Variants in ADAMTS3 observed in about 807,000 individuals in gnomAD.
ADAMTS3 encodes the protein ADAM metallopeptidase with thrombospondin type 1 motif 3.
Under a neutral mutation model 129.0 loss-of-function variants are expected in ADAMTS3, and 73 were observed. The observed-to-expected ratio is 0.57, with a 90% confidence interval of 0.47 to 0.69. The LOEUF is 0.69. Among genes scored for constraint, ADAMTS3 ranks in the 30% least tolerant of loss-of-function variants. The pLI is 0.00. For missense variants in ADAMTS3, 1,457 were observed against 1,514.5 expected (o/e 0.96, Z 0.63); for synonymous variants, 477 against 510.8 (o/e 0.93, Z 0.89).
At chr4:72,386,504 C>T (rs1379985407) in intron 4 of ADAMTS3, among the ~76,000 whole-genome samples, 1 of 151,830 alleles carries the variant, frequency 6.6e-6, no homozygotes, top group Non-Finnish European at 1.5e-5. Flanking sequence ...ACCATCAGTG[C>T]AATAAGGGAG....
chr4:72,552,134 C>T (rs1721660736), intron 2 of ADAMTS3, among the ~76,000 whole-genome samples: 1 of 152,222 alleles, frequency 6.6e-6, no homozygotes, highest in South Asian at 2.1e-4. Flanking sequence ...TCACATTTTA[C>T]AGGCCCAACT....
chr4:72,385,354 G>A (rs2109884810), intron 4 of ADAMTS3, among the ~76,000 whole-genome samples: 1 of 152,012 alleles, frequency 6.6e-6, no homozygotes, highest in African/African-American at 2.4e-5. Flanking sequence ...CTAAAAAGCT[G>A]GTAGAGAAGC....
At chr4:72,443,345 C>A (rs968470710) in intron 3 of ADAMTS3, among the ~76,000 whole-genome samples, 1 of 151,684 alleles carries the variant, frequency 6.6e-6, no homozygotes, top group Non-Finnish European at 1.5e-5. Flanking sequence ...GAGCCTACCA[C>A]CTGTTAAGCA....
chr4:72,424,471 C>T (rs1436647571), intron 3 of ADAMTS3, among the ~76,000 whole-genome samples: 3 of 152,024 alleles, frequency 2.0e-5, no homozygotes, highest in Non-Finnish European at 4.4e-5. Flanking sequence ...CTAATTTTCC[C>T]TAATCTCCAT....
chr4:72,377,516 T>C (rs1212321552), intron 4 of ADAMTS3, among the ~76,000 whole-genome samples: 2 of 152,208 alleles, frequency 1.3e-5, no homozygotes, highest in Non-Finnish European at 2.9e-5. Context: ...AAGGCCTATC[T>C]AGACGGCTAA....
chr4:72,415,219 A>G (rs1370140509), intron 3 of ADAMTS3, among the ~76,000 whole-genome samples: 1 of 152,100 alleles, frequency 6.6e-6, no homozygotes, highest in Non-Finnish European at 1.5e-5. Context: ...TACATAGGAT[A>G]AGAATAGGGA....
chr4:72,294,671 G>T (rs1455236666), intron 19 of ADAMTS3, among the ~76,000 whole-genome samples: 2 of 151,990 alleles, frequency 1.3e-5, no homozygotes, highest in African/African-American at 2.4e-5. Flanking sequence ...CAGGACACTA[G>T]GAACAAAATG....
chr4:72,541,156 G>A (rs1721313784), intron 3 of ADAMTS3, among the ~76,000 whole-genome samples: 1 of 152,168 alleles, frequency 6.6e-6, no homozygotes, highest in Non-Finnish European at 1.5e-5. Flanking sequence ...CAAGACCATG[G>A]GAACCCACCT....
chr4:72,567,786 A>G (rs1240642132), intron 1 of ADAMTS3, among the ~76,000 whole-genome samples: 5 of 152,226 alleles, frequency 3.3e-5, no homozygotes, highest in Non-Finnish European at 4.4e-5. Context: ...AATCAACTAG[A>G]CAATTCTCTA....
intron 4 of ADAMTS3, among the ~76,000 whole-genome samples, chr4:72,400,027 G>A (rs1222160544): frequency 1.6e-4 from 2 of 12,164 alleles, no homozygotes; most frequent in African/African-American, 2.4e-4. Flanking sequence ...GTGTATATAC[G>A]TGTGTATATA....
intron 3 of ADAMTS3, among the ~76,000 whole-genome samples, chr4:72,470,945 TACC>T (rs777484548): frequency 1.4e-4 from 21 of 152,172 alleles, no homozygotes; most frequent in Non-Finnish European, 2.6e-4. Context: ...CACAACCATA[TACC>T]ACTTCTATCG....
intron 3 of ADAMTS3, among the ~76,000 whole-genome samples, chr4:72,500,381 A>C (rs1236848450): frequency 6.6e-6 from 1 of 152,050 alleles, no homozygotes; most frequent in African/African-American, 2.4e-5. Context: ...AGTGATATTG[A>C]GCATTTTTTC....
intron 3 of ADAMTS3, among the ~76,000 whole-genome samples, chr4:72,523,203 C>T (rs1178751480): frequency 1.3e-5 from 2 of 151,948 alleles, no homozygotes; most frequent in Non-Finnish European, 2.9e-5. Flanking sequence ...TGCATTAAAA[C>T]AAAAACTTTC....
At chr4:72,497,188 A>T (rs1450890691) in intron 3 of ADAMTS3, among the ~76,000 whole-genome samples, 1 of 152,054 alleles carries the variant, frequency 6.6e-6, no homozygotes, top group Non-Finnish European at 1.5e-5. Context: ...GAAGTATTTT[A>T]TCTTAAGAAC....
rs997346439 is a variant in ADAMTS3 at position 72,376,574 on chromosome 4, A to T, written c.662-36881T>A. Among the ~76,000 whole-genome samples, 5 of 152,116 alleles carry T rather than the reference A, an allele frequency of 3.3e-5. No individual in the cohort carries two copies. The East Asian group carries it at 9.6e-4, about 29-fold the overall frequency. On this transcript the variant is annotated intron_variant, in intron 4 of 21. Transcript: ENST00000286657. Reference sequence around the variant, plus strand: ...TTGAAGCACCTGGGGAGCTTAGTAAACCATAGACTGATTGGTCCCAGCAAC... The same window carrying T: ...TTGAAGCACCTGGGGAGCTTAGTAATCCATAGACTGATTGGTCCCAGCAAC...
rs1719170787 is a variant in ADAMTS3 at position 72,309,388 on chromosome 4, T to G, written c.2179+9A>C. The stretch of plus-strand genomic sequence containing the variant: ...AAGAATACTAAATCCATGAGAGACC[T>G]CATCTTACCAAGCTTCCTGGGAGTT... On this transcript the variant is annotated intron_variant, in intron 15 of 21. Transcript: ENST00000286657. The G allele has an allele frequency of 1.2e-6, 2 of 1,611,078 alleles. No homozygotes were observed. Among genetic ancestry groups the G allele is most frequent in the Non-Finnish European group, 1.7e-6 (2 of 1,177,884 alleles).
chr4:72,421,313 C>G (rs1012881919), intron 3 of ADAMTS3, among the ~76,000 whole-genome samples: 3 of 152,222 alleles, frequency 2.0e-5, no homozygotes, highest in African/African-American at 7.2e-5. Context: ...TAGGTGATTG[C>G]CTGGCCCAAT....
At chr4:72,312,161 C>A in intron 13 of ADAMTS3, 130 bp downstream of exon 13, 1 of 930,046 alleles carries the variant, frequency 1.1e-6, no homozygotes, top group East Asian at 2.5e-5. Context: ...CCCAGGAGAA[C>A]TTACTCCTAT....
intron 3 of ADAMTS3, among the ~76,000 whole-genome samples, chr4:72,512,373 T>C (rs1475440498): frequency 6.6e-6 from 1 of 152,036 alleles, no homozygotes; most frequent in East Asian, 1.9e-4. Context: ...GTGCCTGTAG[T>C]CCCAGCTACT....
Sources: allele counts gnomAD v4.1 joint callset (sites outside exome capture counted in the v4.1 genomes callset), GRCh38; gene constraint gnomAD v4.1.1; transcripts MANE v1.5; gene names NCBI Gene and HGNC (gene_info 2026-07-23, HGNC 2026-07-21).